Variants in KAZN observed in about 807,000 individuals in gnomAD.
KAZN encodes kazrin.
In KAZN, 40 loss-of-function variants were observed where a neutral mutation model predicts 87.4. The observed-to-expected ratio is 0.46, with a 90% CI of 0.36 to 0.60. KAZN has a LOEUF of 0.60. Among genes scored for constraint, KAZN ranks in the 20% least tolerant of loss-of-function variants. KAZN has a pLI of 0.00. For missense variants in KAZN, 898 were observed against 1,073.9 expected (o/e 0.84, Z 2.29); for synonymous variants, 466 against 458.3 (o/e 1.02, Z -0.22).
At chr1:14,511,884 T>C (rs1571831198) in intron 2 of KAZN, among the ~76,000 whole-genome samples, 1 of 152,120 alleles carries the variant, frequency 6.6e-6, no homozygotes, top group Admixed American at 6.5e-5. Flanking sequence ...TCAACATAAA[T>C]AAACGCATTA....
In KAZN at chr1:14,138,595, C is replaced by A. The variant is rs148246348; in HGVS notation, c.92-41840C>A. Among the ~76,000 whole-genome samples, 373 of 152,224 alleles carry A rather than the reference C, an allele frequency of 2.5e-3. 2 individuals carry two copies. The highest frequency in any genetic ancestry group is 0.014 in the East Asian group (74 of 5,176). On this transcript the variant is annotated intron_variant, in intron 1 of 16. Coordinates refer to the KAZN transcript ENST00000636203. Reference sequence around the variant, plus strand: ...CCTGGAAAGGGAAGGTGGACATCTCCGCATTGTTGGAATTCTGCTAGGAAT... The same window carrying A: ...CCTGGAAAGGGAAGGTGGACATCTCAGCATTGTTGGAATTCTGCTAGGAAT...
intron 2 of KAZN, among the ~76,000 whole-genome samples, chr1:14,500,361 C>G (rs894916523): frequency 5.3e-5 from 8 of 152,040 alleles, no homozygotes; most frequent in Non-Finnish European, 1.5e-5. Context: ...GCAGAAACAC[C>G]GACCTAAACT....
chr1:14,894,206 G>A (rs1026961848), intron 1 of KAZN, among the ~76,000 whole-genome samples: 10 of 151,260 alleles, frequency 6.6e-5, no homozygotes, highest in African/African-American at 1.9e-4. Flanking sequence ...CATCTCCCCC[G>A]CTCCAGCCTA....
intron 2 of KAZN, among the ~76,000 whole-genome samples, chr1:14,475,136 TTGA>T (rs1374711885): frequency 8.6e-5 from 13 of 151,680 alleles, no homozygotes; most frequent in Admixed American, 7.2e-4. Context: ...AGATATTGAA[TTGA>T]TGGATGGATG....
intron 1 of KAZN, among the ~76,000 whole-genome samples, chr1:14,161,205 C>A (rs1458418174): frequency 6.6e-6 from 1 of 152,220 alleles, no homozygotes; most frequent in African/African-American, 2.4e-5. Context: ...CTATCTATTG[C>A]TGTATAAGAA....
chr1:14,441,778 T>A (rs1297895913), intron 2 of KAZN, among the ~76,000 whole-genome samples: 3 of 152,312 alleles, frequency 2.0e-5, no homozygotes, highest in South Asian at 2.1e-4. Flanking sequence ...TATGCTCACA[T>A]TAAATATACT....
chr1:13,968,526 C>G (rs921695514), intron 1 of KAZN, among the ~76,000 whole-genome samples: 1 of 152,154 alleles, frequency 6.6e-6, no homozygotes, highest in Non-Finnish European at 1.5e-5. Context: ...CCTCACGTGA[C>G]GGGTCTACAC....
In KAZN at chr1:14,514,352, A is replaced by T. The variant is rs1671097340; in HGVS notation, c.250-84631A>T. 9.7e-5 allele frequency among the ~76,000 whole-genome samples: 2 copies of T among 20,572 alleles called. 1 individual carries two copies. The highest frequency in any genetic ancestry group is 1.7e-4 in the Non-Finnish European group (2 of 11,456). The allele number at this position is 20,572 out of a possible 152,430, so 13.5% of individuals were successfully genotyped here. ...AAAATTTATATATATATTTATATAT[A>T]TTATATATATATTTATATATATAAT... On this transcript the variant is annotated intron_variant, in intron 2 of 16. Coordinates refer to the KAZN transcript ENST00000636203.
intron 1 of KAZN, among the ~76,000 whole-genome samples, chr1:14,732,405 G>A (rs528716252): frequency 4.6e-5 from 7 of 152,292 alleles, no homozygotes; most frequent in Non-Finnish European, 8.8e-5. Flanking sequence ...TTGGGAGGCC[G>A]AGGCAGGTGT....
chr1:14,151,137 C>T (rs1018690300), intron 1 of KAZN, among the ~76,000 whole-genome samples: 7 of 152,128 alleles, frequency 4.6e-5, no homozygotes, highest in Admixed American at 1.3e-4. Flanking sequence ...TCATCTACAA[C>T]ATCATTTATA....
chr1:14,149,059 C>T (rs1645413276), intron 1 of KAZN, among the ~76,000 whole-genome samples: 1 of 102,112 alleles, frequency 9.8e-6, no homozygotes, highest in Non-Finnish European at 1.9e-5. Context: ...GCCTGCCTTC[C>T]TGCCTTCCTT....
Position 14,221,467 on chromosome 1 carries a change from T to G in KAZN, c.249+40875T>G, listed in dbSNP as rs374580660. On this transcript the variant is annotated intron_variant, in intron 2 of 16. Transcript: ENST00000636203. Reference sequence around the variant, plus strand: ...TAGATTGTTTTCTTTGTCTTTTTCTTTCTACATAGATAAGTTGCCTCCGAG... The same window carrying G: ...TAGATTGTTTTCTTTGTCTTTTTCTGTCTACATAGATAAGTTGCCTCCGAG... Among the ~76,000 whole-genome samples the G allele has an allele frequency of 7.9e-5, 12 of 152,288 alleles. No individual in the cohort carries two copies. In the East Asian group the frequency reaches 2.1e-3, roughly 27 times the overall value.
chr1:14,538,621 C>T (rs1307732571), intron 2 of KAZN, among the ~76,000 whole-genome samples: 1 of 152,160 alleles, frequency 6.6e-6, no homozygotes, highest in African/African-American at 2.4e-5. Flanking sequence ...CTCTTAAAGA[C>T]CCCTCCTCTT....
intron 1 of KAZN, among the ~76,000 whole-genome samples, chr1:14,141,401 C>A (rs568172339): frequency 1.3e-5 from 2 of 151,996 alleles, no homozygotes; most frequent in African/African-American, 4.8e-5. Context: ...GACATAGACC[C>A]TCTCCAAGGG....
At chr1:14,409,798 A>G (rs1223496894) in intron 2 of KAZN, among the ~76,000 whole-genome samples, 4 of 152,216 alleles carry the variant, frequency 2.6e-5, no homozygotes, top group Non-Finnish European at 5.9e-5. Context: ...AACTCCCAAT[A>G]AAAGAACTAT....
chr1:15,103,248 C>T (rs955978876), intron 11 of KAZN, 111 bp from the exon 12 acceptor site: 19 of 755,906 alleles, frequency 2.5e-5, no homozygotes, highest in Non-Finnish European at 4.0e-5. Context: ...GCCTGGGCAG[C>T]AGAGAGAGAC....
chr1:14,585,081 C>A (rs1375126686), intron 2 of KAZN, among the ~76,000 whole-genome samples: 1 of 152,158 alleles, frequency 6.6e-6, no homozygotes, highest in Non-Finnish European at 1.5e-5. Flanking sequence ...TGGGAGGATA[C>A]AGGGAGAAAG....
chr1:14,125,924 C>T (rs1348488115), intron 1 of KAZN, among the ~76,000 whole-genome samples: 1 of 135,344 alleles, frequency 7.4e-6, no homozygotes, highest in Non-Finnish European at 1.5e-5. Context: ...GGTGTAACTG[C>T]AGCCTCCGTC....
intron 2 of KAZN, among the ~76,000 whole-genome samples, chr1:14,531,148 C>T (rs753804670): frequency 6.6e-5 from 10 of 152,144 alleles, no homozygotes; most frequent in African/African-American, 9.7e-5. Flanking sequence ...TGGACTGACA[C>T]GCATCTCAAT....
Sources: allele counts gnomAD v4.1 joint callset (sites outside exome capture counted in the v4.1 genomes callset), GRCh38; gene constraint gnomAD v4.1.1; transcripts MANE v1.5; gene names NCBI Gene and HGNC (gene_info 2026-07-23, HGNC 2026-07-21).